The following EPHA5 variants were observed in gnomAD, a reference collection of about 807,000 sequenced individuals.
EPHA5 encodes the protein ephrin type-A receptor 5.
In EPHA5, 60 loss-of-function variants were observed where a neutral mutation model predicts 105.0. That is an observed-to-expected ratio of 0.57 (90% CI 0.46 to 0.71). The LOEUF is 0.71. EPHA5 is among the 30% of genes least tolerant of loss of function. EPHA5 has a pLI of 0.00. For missense variants in EPHA5, 1,218 were observed against 1,274.7 expected (o/e 0.96, Z 0.68); for synonymous variants, 513 against 449.1 (o/e 1.14, Z -1.80).
At chr4:65,422,858 C>T (rs1227028780) in intron 5 of EPHA5, among the ~76,000 whole-genome samples, 1 of 152,056 alleles carries the variant, frequency 6.6e-6, no homozygotes, top group Non-Finnish European at 1.5e-5. Flanking sequence ...ACATACCTTA[C>T]ATCTAGTGTC....
intron 3 of EPHA5, among the ~76,000 whole-genome samples, chr4:65,581,233 T>A (rs996938454): frequency 4.0e-5 from 6 of 151,674 alleles, no homozygotes; most frequent in Admixed American, 1.3e-4. Flanking sequence ...TATGCCAGAG[T>A]TTTAAGCATC....
rs559672513 is a variant in EPHA5 at position 65,348,027 on chromosome 4, G to C, written c.2595+27C>G. On this transcript the variant is annotated intron_variant, in intron 14 of 16. Transcript: ENST00000613740. Reference sequence around the variant, plus strand: ...AGAGAACAAAGCATTTCATTGTCAAGTTGGGAAAGAGTAGTTCCATACTCA... The same window carrying C: ...AGAGAACAAAGCATTTCATTGTCAACTTGGGAAAGAGTAGTTCCATACTCA... 1.0e-5 allele frequency: 16 copies of C among 1,544,572 alleles called. 1 individual carries two copies. The South Asian group carries it at 1.6e-4, about 15-fold the overall frequency.
At chr4:65,454,052 G>A (rs1254732008) in intron 5 of EPHA5, among the ~76,000 whole-genome samples, 1 of 152,060 alleles carries the variant, frequency 6.6e-6, no homozygotes, top group Non-Finnish European at 1.5e-5. Context: ...AGGCCAAGGC[G>A]GGCGGATCAC....
At chr4:65,597,554 A>G (rs532570876) in intron 3 of EPHA5, among the ~76,000 whole-genome samples, 1 of 152,132 alleles carries the variant, frequency 6.6e-6, no homozygotes, top group Non-Finnish European at 1.5e-5. Flanking sequence ...ACATACTTGG[A>G]TAAATGGATT....
chr4:65,347,868 T>C (rs1305527057), intron 14 of EPHA5, among the ~76,000 whole-genome samples, 186 bp downstream of exon 14: 3 of 152,204 alleles, frequency 2.0e-5, no homozygotes, highest in African/African-American at 7.2e-5. Flanking sequence ...CTTACTTTCC[T>C]TTGTAATAAC....
At chr4:65,574,757 T>TATATACATATATATATATATATATAC (rs1227799994) in intron 3 of EPHA5, among the ~76,000 whole-genome samples, 4 of 139,562 alleles carry the variant, frequency 2.9e-5, no homozygotes, top group Middle Eastern at 3.7e-3. Flanking sequence ...TATATATATA[T>TATATACATATATATATATATATATAC]ACACAGTAAT....
intron 3 of EPHA5, among the ~76,000 whole-genome samples, chr4:65,575,982 AAG>A (rs370914193): frequency 0.087 from 3,440 of 39,472 alleles, 565 homozygotes; most frequent in South Asian, 0.13. Context: ...TCAAAAAAGA[AAG>A]AGAGAGAGAG....
chr4:65,458,589 T>C (rs1485040669), intron 5 of EPHA5, among the ~76,000 whole-genome samples: 1 of 152,162 alleles, frequency 6.6e-6, no homozygotes, highest in African/African-American at 2.4e-5. Context: ...TTAATCTTCC[T>C]AATAAACCTA....
intron 11 of EPHA5, among the ~76,000 whole-genome samples, chr4:65,356,889 TA>T (rs1723352952): frequency 6.6e-6 from 1 of 151,522 alleles, no homozygotes; most frequent in East Asian, 1.9e-4. Context: ...GTAAATTCAA[TA>T]AAACTGTATA....
intron 8 of EPHA5, among the ~76,000 whole-genome samples, chr4:65,375,486 C>A (rs922059173): frequency 6.6e-6 from 1 of 151,574 alleles, no homozygotes; most frequent in Non-Finnish European, 1.5e-5. Context: ...CACCTGAAGC[C>A]AAAAGTACAG....
chr4:65,600,049 T>TA (rs1743565062), intron 3 of EPHA5, among the ~76,000 whole-genome samples: 1 of 152,128 alleles, frequency 6.6e-6, no homozygotes, highest in Non-Finnish European at 1.5e-5. Context: ...AACAACCAAA[T>TA]AGAGTACGTT....
chr4:65,391,453 G>A (rs1344752810), intron 8 of EPHA5, among the ~76,000 whole-genome samples: 2 of 152,074 alleles, frequency 1.3e-5, no homozygotes, highest in Admixed American at 6.6e-5. Flanking sequence ...GCTTTTAGCT[G>A]ATGTTTAAAA....
intron 5 of EPHA5, among the ~76,000 whole-genome samples, chr4:65,458,146 T>C (rs1489116551): frequency 6.7e-6 from 1 of 149,820 alleles, no homozygotes; most frequent in African/African-American, 2.5e-5. Flanking sequence ...ATTGACAATA[T>C]ACATATTCAG....
At chr4:65,649,054 T>C (rs1322354897) in intron 1 of EPHA5, among the ~76,000 whole-genome samples, 1 of 152,232 alleles carries the variant, frequency 6.6e-6, no homozygotes, top group Admixed American at 6.5e-5. Context: ...TAGCCAACTG[T>C]ATTTTCACAG....
chr4:65,519,697 ATG>A (rs771947269), intron 3 of EPHA5, among the ~76,000 whole-genome samples: 14 of 152,282 alleles, frequency 9.2e-5, no homozygotes, highest in Middle Eastern at 3.4e-3. Flanking sequence ...TACAAAATCA[ATG>A]TGCAAAAATC....
rs138582038 is a variant in EPHA5, at chr4:65,450,849, A to T, written c.1403-30284T>A. On this transcript the variant is annotated intron_variant, in intron 5 of 16. Coordinates refer to ENST00000613740, the MANE Select transcript of EPHA5 (RefSeq NM_001281766.3). Reference sequence around the variant, plus strand: ...TCAAAATAATTGTGGCAACTAATTCATCAGTACAAATCCTAAATTGCTTTT... The same window carrying T: ...TCAAAATAATTGTGGCAACTAATTCTTCAGTACAAATCCTAAATTGCTTTT... Among the ~76,000 whole-genome samples, 538 of 152,288 alleles carry T rather than the reference A, an allele frequency of 3.5e-3. 2 individuals are homozygous for T. The highest frequency in any genetic ancestry group is 0.012 in the African/African-American group (491 of 41,584).
At chr4:65,403,128 A>C (rs79667950) in intron 8 of EPHA5, among the ~76,000 whole-genome samples, 2 of 152,208 alleles carry the variant, frequency 1.3e-5, no homozygotes, top group Non-Finnish European at 2.9e-5. Flanking sequence ...ATAAATAAGG[A>C]CCAGAAGTAA....
intron 8 of EPHA5, among the ~76,000 whole-genome samples, chr4:65,396,326 T>C (rs2148968294): frequency 6.6e-6 from 1 of 152,314 alleles, no homozygotes; most frequent in Non-Finnish European, 1.5e-5. Flanking sequence ...TTGTAAAGTA[T>C]TCAGATGACC....
rs146481911 is a variant in EPHA5, at chr4:65,415,334, A to G, written c.1528-891T>C. 5.3e-4 allele frequency among the ~76,000 whole-genome samples: 81 copies of G among 152,232 alleles called. No individual in the cohort carries two copies. In the East Asian group the frequency reaches 0.013, roughly 24 times the overall value. On this transcript the variant is annotated intron_variant, in intron 6 of 16. Transcript: ENST00000613740. ...CCTCACAGAGATGTTGTAAAAATAT[A>G]ACAGGTAACATATGTGAAAACAGTT...
Sources: allele counts gnomAD v4.1 joint callset (sites outside exome capture counted in the v4.1 genomes callset), GRCh38; gene constraint gnomAD v4.1.1; transcripts MANE v1.5; gene names NCBI Gene and HGNC (gene_info 2026-07-23, HGNC 2026-07-21).